The following DPF3 variants were observed in gnomAD, a reference collection of about 807,000 sequenced individuals.
The protein encoded by DPF3 is double PHD fingers 3.
A neutral mutation model predicts 56.8 loss-of-function variants in DPF3; 18 were observed. The observed-to-expected ratio is 0.32, with a 90% CI of 0.22 to 0.47. The LOEUF is 0.47. DPF3 is among the 20% of genes least tolerant of loss of function. The pLI is 1.00. For missense variants in DPF3, 403 were observed against 488.8 expected (o/e 0.82, Z 1.65); for synonymous variants, 188 against 180.2 (o/e 1.04, Z -0.35).
At chr14:72,713,782 C>T (rs1888762294) in intron 6 of DPF3, among the ~76,000 whole-genome samples, 1 of 152,208 alleles carries the variant, frequency 6.6e-6, no homozygotes, top group Non-Finnish European at 1.5e-5. Context: ...ACTGCCCTGG[C>T]TCCCTGCGAC....
chr14:72,852,225 T>G (rs1885012704), intron 1 of DPF3, among the ~76,000 whole-genome samples: 1 of 152,154 alleles, frequency 6.6e-6, no homozygotes. Context: ...CCTCAAGGCT[T>G]CCCACTGCCC....
chr14:72,860,957 G>A (rs1246900953), intron 1 of DPF3, among the ~76,000 whole-genome samples: 2 of 151,694 alleles, frequency 1.3e-5, no homozygotes, highest in African/African-American at 2.4e-5. Flanking sequence ...TTCAGTTTTA[G>A]GCTTCCCCAA....
chr14:72,762,495 T>A (rs1891109244), intron 2 of DPF3, among the ~76,000 whole-genome samples: 1 of 151,524 alleles, frequency 6.6e-6, no homozygotes, highest in Non-Finnish European at 1.5e-5. Flanking sequence ...AACCACATGA[T>A]CATCTCAATA....
At chr14:72,892,931 G>A (rs1886812018) in intron 1 of DPF3, among the ~76,000 whole-genome samples, 1 of 150,130 alleles carries the variant, frequency 6.7e-6, no homozygotes, top group Admixed American at 6.6e-5. Flanking sequence ...CGGCTTAACA[G>A]TTCCACTGAC....
At chr14:72,646,106 C>G (rs1271414074) in intron 8 of DPF3, among the ~76,000 whole-genome samples, 3 of 152,218 alleles carry the variant, frequency 2.0e-5, no homozygotes, top group Non-Finnish European at 4.4e-5. Context: ...TCTTCACTCT[C>G]TCCACACTGA....
intron 1 of DPF3, among the ~76,000 whole-genome samples, chr14:72,850,200 C>T (rs1320351373): frequency 3.3e-5 from 5 of 152,082 alleles, no homozygotes; most frequent in African/African-American, 1.2e-4. Flanking sequence ...AATCAGGAGC[C>T]GTGACAACAC....
At chr14:72,642,476 T>G (rs1885592106) in intron 8 of DPF3, among the ~76,000 whole-genome samples, 3 of 152,214 alleles carry the variant, frequency 2.0e-5, no homozygotes. Context: ...ATCTCTTCCA[T>G]GCTGTTATTA....
At chr14:72,629,415 G>A (rs922164773) in intron 9 of DPF3, among the ~76,000 whole-genome samples, 1 of 152,222 alleles carries the variant, frequency 6.6e-6, no homozygotes, top group African/African-American at 2.4e-5. Context: ...TGTGGAATGT[G>A]GTGGAAACAA....
chr14:72,855,477 A>AT (rs1467054054), intron 1 of DPF3, among the ~76,000 whole-genome samples: 5 of 152,210 alleles, frequency 3.3e-5, no homozygotes, highest in African/African-American at 1.2e-4. Flanking sequence ...TAGAAGAAGC[A>AT]TTGGTCTGTT....
chr14:72,807,858 A>G (rs1882857290), intron 1 of DPF3, among the ~76,000 whole-genome samples: 1 of 152,148 alleles, frequency 6.6e-6, no homozygotes, highest in Non-Finnish European at 1.5e-5. Flanking sequence ...CTAGCTACTC[A>G]GGAGGCTGAG....
chr14:72,694,860 C>T (rs2153573224), intron 6 of DPF3, among the ~76,000 whole-genome samples: 1 of 152,286 alleles, frequency 6.6e-6, no homozygotes, highest in African/African-American at 2.4e-5. Flanking sequence ...TTATCAACTA[C>T]CCTTTCAGCA....
chr14:72,869,673 T>C (rs748243668), intron 1 of DPF3, among the ~76,000 whole-genome samples: 1 of 152,000 alleles, frequency 6.6e-6, no homozygotes, highest in Non-Finnish European at 1.5e-5. Flanking sequence ...CTGGGGAATG[T>C]GGGGACGGAA....
intron 1 of DPF3, among the ~76,000 whole-genome samples, chr14:72,889,440 G>A (rs1886667013): frequency 6.6e-6 from 1 of 152,174 alleles, no homozygotes; most frequent in African/African-American, 2.4e-5. Context: ...TACAACGTCC[G>A]AGGGTCCTTT....
chr14:72,727,775 G>T (rs551455090), intron 4 of DPF3, among the ~76,000 whole-genome samples: 2 of 152,276 alleles, frequency 1.3e-5, no homozygotes, highest in South Asian at 4.2e-4. Context: ...ACCCAGCACA[G>T]TGCCTGCACA....
At chr14:72,734,730 C>A (rs11627663) in intron 3 of DPF3, among the ~76,000 whole-genome samples, 5,607 of 152,066 alleles carry the variant, frequency 0.037, 181 homozygotes, top group Middle Eastern at 0.082. Flanking sequence ...AGTTAAGTAA[C>A]CACCAACAGC....
At chr14:72,662,997 G>A (rs1305816386) in intron 8 of DPF3, among the ~76,000 whole-genome samples, 1 of 151,432 alleles carries the variant, frequency 6.6e-6, no homozygotes, top group African/African-American at 2.4e-5. Flanking sequence ...AGTTAATGAG[G>A]CTAGGCCAGG....
chr14:72,634,705 A>G (rs1885337593), intron 8 of DPF3, among the ~76,000 whole-genome samples: 1 of 151,698 alleles, frequency 6.6e-6, no homozygotes, highest in African/African-American at 2.4e-5. Context: ...CAAGTACTGC[A>G]ATTACTTTTG....
intron 7 of DPF3, among the ~76,000 whole-genome samples, chr14:72,680,317 G>C (rs546786186): frequency 6.6e-6 from 1 of 152,340 alleles, no homozygotes; most frequent in South Asian, 2.1e-4. Context: ...AAAAGTGTGG[G>C]GCTTTCATTC....
intron 1 of DPF3, among the ~76,000 whole-genome samples, chr14:72,811,096 G>T (rs1489293404): frequency 1.3e-5 from 2 of 152,182 alleles, no homozygotes; most frequent in African/African-American, 4.8e-5. Flanking sequence ...GGCAGCAAGG[G>T]TGGGAAGTCC....
Sources: allele counts gnomAD v4.1 joint callset (sites outside exome capture counted in the v4.1 genomes callset), GRCh38; gene constraint gnomAD v4.1.1; transcripts MANE v1.5; gene names NCBI Gene and HGNC (gene_info 2026-07-23, HGNC 2026-07-21).